The following RANBP2 variants were observed in gnomAD, a reference collection of about 807,000 sequenced individuals.
RANBP2 encodes RAN binding protein 2.
In RANBP2, 57 loss-of-function variants were observed where a neutral mutation model predicts 303.6. That is an observed-to-expected ratio of 0.19 (90% CI 0.15 to 0.23). RANBP2 has a LOEUF of 0.23. RANBP2 is among the 10% of genes least tolerant of loss of function. The pLI is 1.00. For missense variants in RANBP2, 3,138 were observed against 3,780.8 expected, an observed-to-expected ratio of 0.83 and a Z score of 4.46; for synonymous variants, 1,167 against 1,301.5, an observed-to-expected ratio of 0.90 and a Z score of 2.23.
chr2:109,490,210 C>T, the RANBP2 span, among the ~76,000 whole-genome samples: 1 of 152,200 alleles, frequency 6.6e-6, no homozygotes, highest in Non-Finnish European at 1.5e-5. Flanking sequence ...TAGGCACCAG[C>T]CTTGGAAAAT....
At chr2:109,715,155 C>T in the RANBP2 span, among the ~76,000 whole-genome samples, 2 of 151,672 alleles carry the variant, frequency 1.3e-5, no homozygotes, top group African/African-American at 2.4e-5. Flanking sequence ...TTAGTAGAGA[C>T]GGGGTTTCAC....
the RANBP2 span, among the ~76,000 whole-genome samples, chr2:108,913,598 A>G: frequency 1.3e-5 from 2 of 152,122 alleles, no homozygotes; most frequent in Non-Finnish European, 1.5e-5. Context: ...TCAGTTTGAA[A>G]TAATAGCTTC....
Position 108,781,379 on chromosome 2 carries a change from G to T in RANBP2, c.8710G>T (p.Val2904Leu). 6.2e-7 allele frequency: 1 copy of T among 1,614,158 alleles called. No individual in the cohort carries two copies. The highest frequency in any genetic ancestry group is 8.5e-7 in the Non-Finnish European group (1 of 1,180,012). The change falls in exon 26 of 29, where the codon GTA (valine) becomes TTA (leucine). Residue 2904 changes from valine (V) to leucine (L), a missense_variant. Transcript: ENST00000283195. ...GEDEDGSDEE[V>L]VHNEDIHFEP... ...AGATGAAGATGGTAGTGATGAAGAA[G>T]TAGTTCATAATGAAGATATCCATTT...
At chr2:109,078,276 A>G in the RANBP2 span, among the ~76,000 whole-genome samples, 782 of 76,778 alleles carry the variant, frequency 0.01, 62 homozygotes, top group Non-Finnish European at 0.015. Context: ...GCGTATATAT[A>G]TATATATATA....
the RANBP2 span, among the ~76,000 whole-genome samples, chr2:109,458,440 A>G: frequency 2.0e-5 from 3 of 152,118 alleles, no homozygotes; most frequent in African/African-American, 4.8e-5. Context: ...TCACCTTACA[A>G]CTCCCCTAGA....
chr2:108,930,925 A>T, the RANBP2 span: 1 of 1,610,896 alleles, frequency 6.2e-7, no homozygotes. Flanking sequence ...CATCATGAGG[A>T]TGAGGGTGCT....
At chr2:109,656,338 T>A in the RANBP2 span, among the ~76,000 whole-genome samples, 1 of 150,508 alleles carries the variant, frequency 6.6e-6, no homozygotes. Flanking sequence ...ATTCTGGGGT[T>A]TTTTTGTTTG....
chr2:108,738,318 G>A (rs1326362932), intron 6 of RANBP2, among the ~76,000 whole-genome samples: 4 of 151,702 alleles, frequency 2.6e-5, no homozygotes, highest in East Asian at 1.9e-4. Context: ...CTTGTGATCC[G>A]CCCGCCTCGG....
chr2:109,292,009 G>A, the RANBP2 span, among the ~76,000 whole-genome samples: 4 of 152,038 alleles, frequency 2.6e-5, no homozygotes, highest in South Asian at 2.1e-4. Flanking sequence ...GACTACAGGC[G>A]CACGCCACCA....
At chr2:109,614,170 C>T in the RANBP2 span, 1 of 1,177,934 alleles carries the variant, frequency 8.5e-7, no homozygotes, top group East Asian at 3.6e-5. Flanking sequence ...GCGGGAACTG[C>T]GGAGCAGTGA....
chr2:108,912,376 G>A, the RANBP2 span, among the ~76,000 whole-genome samples: 105,175 of 152,126 alleles, frequency 0.69, 39,455 homozygotes, highest in East Asian at 0.9. Context: ...AGCCCAGGAC[G>A]CCTGGTCTCT....
At chr2:108,821,499 A>T in the RANBP2 span, among the ~76,000 whole-genome samples, 2 of 152,244 alleles carry the variant, frequency 1.3e-5, no homozygotes, top group African/African-American at 4.8e-5. Flanking sequence ...TTGCAAAGAA[A>T]ATACTTACAG....
the RANBP2 span, among the ~76,000 whole-genome samples, chr2:109,465,342 G>A: frequency 0.078 from 11,820 of 152,246 alleles, 1,426 homozygotes; most frequent in African/African-American, 0.26. Flanking sequence ...GGAGATTTTA[G>A]GAGTATGTAA....
At chr2:109,390,645 C>T in the RANBP2 span, among the ~76,000 whole-genome samples, 2 of 152,120 alleles carry the variant, frequency 1.3e-5, no homozygotes, top group African/African-American at 2.4e-5. Flanking sequence ...AGTGGGGGTG[C>T]GGTCGGCATT....
chr2:109,128,826 G>A, the RANBP2 span: 1 of 226,836 alleles, frequency 4.4e-6, no homozygotes, highest in Non-Finnish European at 9.1e-6. Context: ...AGGAGGCAGG[G>A]CCAAGCCTGC....
the RANBP2 span, among the ~76,000 whole-genome samples, chr2:109,426,976 A>T: frequency 1.9e-5 from 2 of 108,072 alleles, no homozygotes; most frequent in African/African-American, 8.0e-5. Context: ...ATATATATAT[A>T]TATTTTTTTT....
At chr2:109,477,587 G>A in the RANBP2 span, among the ~76,000 whole-genome samples, 1 of 151,540 alleles carries the variant, frequency 6.6e-6, no homozygotes, top group East Asian at 2.0e-4. Flanking sequence ...AGTCCCTTGA[G>A]TTGCTGTAAC....
the RANBP2 span, among the ~76,000 whole-genome samples, chr2:109,249,534 TCCTTCCTTCCTTCCTTCC>T: frequency 9.2e-6 from 1 of 108,968 alleles, no homozygotes; most frequent in Non-Finnish European, 1.9e-5. Context: ...TTTCTTTCTT[TCCTTCCTTCCTTCCTTCC>T]TTCCTTCCTT....
chr2:108,955,139 G>A, the RANBP2 span, among the ~76,000 whole-genome samples: 1 of 152,054 alleles, frequency 6.6e-6, no homozygotes, highest in African/African-American at 2.4e-5. Flanking sequence ...TCAAATTTGG[G>A]CTTAATTTAC....
Sources: gnomAD v4.1 joint callset for allele counts (sites outside exome capture counted in the v4.1 genomes callset) on GRCh38, gnomAD v4.1.1 for gene constraint, MANE v1.5 for transcripts, NCBI Gene and HGNC (gene_info 2026-07-23, HGNC 2026-07-21) for gene names.